MMP26: variants seen among roughly 807,000 people sequenced by gnomAD.
The protein encoded by MMP26 is matrix metalloproteinase-26.
MMP26 carries 33 observed loss-of-function variants against 31.0 expected under a neutral mutation model. That is an observed-to-expected ratio of 1.06 (90% CI 0.81 to 1.42). The LOEUF (loss-of-function observed/expected upper bound fraction) is 1.42, where lower values mean the gene tolerates loss of function less well. Among genes scored for constraint, MMP26 ranks in the 40% most tolerant of loss-of-function variants. MMP26 has a pLI of 0.00. For missense variants in MMP26, 347 were observed against 316.1 expected, an observed-to-expected ratio of 1.10 and a Z score of -0.74; for synonymous variants, 122 against 114.9, an observed-to-expected ratio of 1.06 and a Z score of -0.40.
chr11:4,822,051 G>A lies in MMP26; in HGVS notation c.-145+54710G>A, dbSNP rs1443668632. On this transcript the variant is annotated intron_variant, in intron 2 of 7. Transcript: ENST00000380390. The stretch of plus-strand genomic sequence containing the variant: ...TGTTTGCGCTTTTGTCCACTACAGG[G>A]TTTGACTGCCCTTGCATCCTGCTCT... 8 of 1,613,720 alleles carry A rather than the reference G, an allele frequency of 5.0e-6. No individual in the cohort carries two copies. In the Admixed American group the frequency reaches 5.0e-5, roughly 10 times the overall value.
intron 2 of MMP26, among the ~76,000 whole-genome samples, chr11:4,834,475 C>T (rs768996137): frequency 1.3e-5 from 2 of 152,178 alleles, no homozygotes; most frequent in African/African-American, 2.4e-5. Context: ...TTTACTACAT[C>T]AGGGTCCAGG....
intron 2 of MMP26, chr11:4,871,873 A>G (rs567894706): frequency 2.1e-4 from 32 of 152,056 alleles, no homozygotes; most frequent in Non-Finnish European, 4.1e-4. Context: ...GGTGGAGGAG[A>G]TTGCGTGTTG....
intron 2 of MMP26, among the ~76,000 whole-genome samples, chr11:4,795,617 A>G (rs927082957): frequency 2.6e-5 from 4 of 152,244 alleles, no homozygotes; most frequent in Non-Finnish European, 5.9e-5. Context: ...AAATGTCCAA[A>G]TGGAAATGAG....
At chr11:4,797,321 G>T (rs1208007394) in intron 2 of MMP26, among the ~76,000 whole-genome samples, 1 of 150,188 alleles carries the variant, frequency 6.7e-6, no homozygotes, top group Non-Finnish European at 1.5e-5. Context: ...GCTTCATAAA[G>T]TTCTGTTGGT....
chr11:4,791,330 C>A (rs113237651), intron 2 of MMP26, among the ~76,000 whole-genome samples: 3,792 of 152,286 alleles, frequency 0.025, 80 homozygotes, highest in Admixed American at 0.037. Flanking sequence ...TGCTGATTGA[C>A]ATCTTATCCA....
At chr11:4,783,803 T>C (rs964286517) in intron 2 of MMP26, among the ~76,000 whole-genome samples, 2 of 152,176 alleles carry the variant, frequency 1.3e-5, no homozygotes, top group Admixed American at 6.5e-5. Flanking sequence ...GATGGTTTGA[T>C]AAGGGGCAAC....
chr11:4,822,012 C>A (rs756944812), intron 2 of MMP26: 2 of 1,614,018 alleles, frequency 1.2e-6, no homozygotes, highest in Non-Finnish European at 1.7e-6. Flanking sequence ...ATAGGATCAA[C>A]AGCATCCTTG....
intron 2 of MMP26, among the ~76,000 whole-genome samples, chr11:4,856,947 C>T (rs1213455305): frequency 1.3e-5 from 2 of 152,264 alleles, no homozygotes; most frequent in East Asian, 1.9e-4. Flanking sequence ...TACATGGAAA[C>T]TGAACAGCCT....
intron 2 of MMP26, among the ~76,000 whole-genome samples, chr11:4,920,810 A>G (rs970660122): frequency 6.6e-6 from 1 of 152,186 alleles, no homozygotes; most frequent in Non-Finnish European, 1.5e-5. Context: ...TCCATAAAAT[A>G]TTCAAAATGA....
intron 2 of MMP26, among the ~76,000 whole-genome samples, chr11:4,801,149 CT>C (rs1449264377): frequency 6.6e-6 from 1 of 152,172 alleles, no homozygotes; most frequent in Non-Finnish European, 1.5e-5. Context: ...CAAACTTTCC[CT>C]TGTCTTCCTG....
chr11:4,961,439 C>T (rs1846519506), intron 2 of MMP26, among the ~76,000 whole-genome samples: 1 of 152,154 alleles, frequency 6.6e-6, no homozygotes, highest in Non-Finnish European at 1.5e-5. Context: ...TGGAAATACC[C>T]TCACGGACAC....
intron 2 of MMP26, chr11:4,849,296 CA>C (rs1284731988): frequency 7.1e-6 from 10 of 1,409,136 alleles, no homozygotes; most frequent in Non-Finnish European, 9.7e-6. Context: ...TGAAACGTTC[CA>C]AAATAGCCTG....
rs571694441 is a variant in MMP26, at chr11:4,735,310, C to CTA, written c.-217+30273_-217+30274dup. Among the ~76,000 whole-genome samples the CTA allele has an allele frequency of 2.7e-3, 414 of 152,236 alleles. 4 individuals are homozygous for CTA. Among genetic ancestry groups the CTA allele is most frequent in the African/African-American group, 9.5e-3 (396 of 41,526 alleles). On this transcript the variant is annotated intron_variant, in intron 1 of 7. Coordinates refer to ENST00000380390, the MANE Select transcript of MMP26 (RefSeq NM_021801.5). ...AATTTAAATGGTTATGTCTATATCACTATATATATGTGTGTGTGTATATAT... is the reference window on the plus strand; with the variant it reads ...AATTTAAATGGTTATGTCTATATCACTATATATATATGTGTGTGTGTATATAT...
chr11:4,779,114 T>C (rs1208118360), intron 2 of MMP26, among the ~76,000 whole-genome samples: 1 of 152,046 alleles, frequency 6.6e-6, no homozygotes, highest in East Asian at 1.9e-4. Context: ...TCTTGCCTCA[T>C]TTCAATTCTT....
chr11:4,880,400 G>A (rs1009309389), intron 2 of MMP26, among the ~76,000 whole-genome samples: 1 of 151,906 alleles, frequency 6.6e-6, no homozygotes, highest in Non-Finnish European at 1.5e-5. Flanking sequence ...TAAATTGATG[G>A]GAACTACAAG....
intron 2 of MMP26, among the ~76,000 whole-genome samples, chr11:4,926,631 G>T (rs1294700533): frequency 6.6e-6 from 1 of 152,154 alleles, no homozygotes; most frequent in Non-Finnish European, 1.5e-5. Flanking sequence ...TCCAGACAGA[G>T]AAAAGTCATT....
At position 4,920,461 on chromosome 11, in the gene MMP26, C is replaced by T. The variant is rs11827992; in HGVS notation, c.-144-67607C>T. 4.8e-3 allele frequency among the ~76,000 whole-genome samples: 734 copies of T among 152,238 alleles called. 4 individuals carry two copies. Among genetic ancestry groups the T allele is most frequent in the African/African-American group, 0.017 (687 of 41,534 alleles). On this transcript the variant is annotated intron_variant, in intron 2 of 7. Coordinates refer to ENST00000380390, the MANE Select transcript of MMP26 (RefSeq NM_021801.5). ...AACATAGTTCCATTCTAGCCACTGA[C>T]ATTTGGAGATTGGGCTTTACACCAA...
chr11:4,959,237 CAAAAAAAAA>C (rs57867455), intron 2 of MMP26, among the ~76,000 whole-genome samples: 14 of 74,466 alleles, frequency 1.9e-4, no homozygotes, highest in South Asian at 1.2e-3. Flanking sequence ...AACTCTGTCT[CAAAAAAAAA>C]AAAAAAAAAA....
At chr11:4,929,911 G>T (rs1294789758) in intron 2 of MMP26, among the ~76,000 whole-genome samples, 1 of 151,964 alleles carries the variant, frequency 6.6e-6, no homozygotes, top group Non-Finnish European at 1.5e-5. Context: ...TGTAGCAATA[G>T]TATGAATGCA....
Sources: gnomAD v4.1 joint callset for allele counts (sites outside exome capture counted in the v4.1 genomes callset) on GRCh38, gnomAD v4.1.1 for gene constraint, MANE v1.5 for transcripts, NCBI Gene and HGNC (gene_info 2026-07-23, HGNC 2026-07-21) for gene names.